The following CAST variants were observed in gnomAD, a reference collection of about 807,000 sequenced individuals.
CAST encodes the protein MIR583 host.
A neutral mutation model predicts 119.6 loss-of-function variants in CAST; 76 were observed. The ratio of observed to expected loss-of-function variants is 0.64; its 90% CI spans 0.53 to 0.77. The LOEUF (loss-of-function observed/expected upper bound fraction) is 0.77, where lower values mean the gene tolerates loss of function less well. Ranked by LOEUF, CAST falls within the 30% of genes least tolerant of loss-of-function variation. CAST has a pLI of 0.00. For missense variants in CAST, 953 were observed against 946.5 expected (o/e 1.01, Z -0.09); for synonymous variants, 319 against 331.6 (o/e 0.96, Z 0.41).
the CAST span, among the ~76,000 whole-genome samples, chr5:96,466,973 T>C: frequency 6.6e-6 from 1 of 152,184 alleles, no homozygotes; most frequent in Non-Finnish European, 1.5e-5. Context: ...TATAATACTT[T>C]TTCCCTACAT....
the CAST span, among the ~76,000 whole-genome samples, chr5:96,123,588 A>G: frequency 2.0e-5 from 3 of 152,156 alleles, no homozygotes; most frequent in East Asian, 3.9e-4. Flanking sequence ...AGGGCTATCT[A>G]CTTGAGGATT....
the CAST span, among the ~76,000 whole-genome samples, chr5:96,168,557 C>T: frequency 6.6e-6 from 1 of 152,044 alleles, no homozygotes; most frequent in Non-Finnish European, 1.5e-5. Context: ...GCGGTAGCCT[C>T]AATGATAGAT....
chr5:96,373,963 A>T, the CAST span, among the ~76,000 whole-genome samples: 4 of 152,074 alleles, frequency 2.6e-5, no homozygotes, highest in East Asian at 7.7e-4. Context: ...ACTTGAATTC[A>T]TTGTTTTTGC....
At chr5:95,969,261 C>G in the CAST span, among the ~76,000 whole-genome samples, 1 of 152,116 alleles carries the variant, frequency 6.6e-6, no homozygotes, top group Admixed American at 6.5e-5. Flanking sequence ...CAATGGGGAA[C>G]TGTTGGAGGC....
chr5:95,978,100 GATGAACACACGTGTGC>G, the CAST span, among the ~76,000 whole-genome samples: 1 of 152,020 alleles, frequency 6.6e-6, no homozygotes, highest in Admixed American at 6.6e-5. Flanking sequence ...AATAGTGCTG[GATGAACACACGTGTGC>G]ATGTGTCTCT....
the CAST span, among the ~76,000 whole-genome samples, chr5:96,356,681 C>T: frequency 8.5e-4 from 129 of 152,200 alleles, 1 homozygote; most frequent in Middle Eastern, 6.8e-3. Flanking sequence ...TGTTCTGTTC[C>T]ATTGGTTATA....
chr5:96,695,309 T>C (rs755694196), intron 2 of CAST, among the ~76,000 whole-genome samples: 1 of 152,228 alleles, frequency 6.6e-6, no homozygotes, highest in Non-Finnish European at 1.5e-5. Flanking sequence ...AATTCTATTA[T>C]TCTAATAATT....
chr5:96,629,236 G>A lies in CAST; in HGVS notation c.61-46303G>A, dbSNP rs1160915239. Among the ~76,000 whole-genome samples the A allele has an allele frequency of 2.6e-5, 4 of 152,132 alleles. 1 individual carries two copies. The highest frequency in any genetic ancestry group is 4.1e-4 in the South Asian group (2 of 4,826). On this transcript the variant is annotated intron_variant, in intron 1 of 11. Transcript: ENST00000505143. The stretch of plus-strand genomic sequence containing the variant: ...GTACCTCTCTCTATGGTGAGTGTTC[G>A]CTTCTACCTTCCACCTTTTAGCCAT...
At chr5:96,161,101 T>A in the CAST span, among the ~76,000 whole-genome samples, 1 of 152,154 alleles carries the variant, frequency 6.6e-6, no homozygotes, top group African/African-American at 2.4e-5. Flanking sequence ...AGCTCAAAAT[T>A]TTTTAAATTT....
At chr5:96,123,401 G>T in the CAST span, among the ~76,000 whole-genome samples, 1 of 152,080 alleles carries the variant, frequency 6.6e-6, no homozygotes, top group Non-Finnish European at 1.5e-5. Context: ...CATTATTAAT[G>T]TCTAATAAAA....
chr5:96,614,625 A>G (rs1336716366), intron 1 of CAST, among the ~76,000 whole-genome samples: 3 of 152,242 alleles, frequency 2.0e-5, no homozygotes, highest in African/African-American at 7.2e-5. Context: ...AACCTGAAAC[A>G]GAGTCCAAAG....
At chr5:96,512,802 T>C in the CAST span, among the ~76,000 whole-genome samples, 2 of 152,212 alleles carry the variant, frequency 1.3e-5, no homozygotes, top group Admixed American at 6.5e-5. Flanking sequence ...ATTAAATCTT[T>C]AGTATGAATA....
At chr5:96,475,030 C>T in the CAST span, among the ~76,000 whole-genome samples, 1 of 152,194 alleles carries the variant, frequency 6.6e-6, no homozygotes, top group South Asian at 2.1e-4. Context: ...GGTAGGGCCT[C>T]TCCTGTTCTC....
chr5:96,348,483 G>T, the CAST span, among the ~76,000 whole-genome samples: 4 of 152,092 alleles, frequency 2.6e-5, no homozygotes, highest in African/African-American at 9.6e-5. Context: ...CCAGATGAAG[G>T]AATTGCTTTT....
In CAST at chr5:96,772,872, A is replaced by G. The variant is rs956241766; in HGVS notation, c.*256A>G. 1 of 153,394 alleles carries G rather than the reference A, an allele frequency of 6.5e-6. No individual in the cohort carries two copies. Among genetic ancestry groups the G allele is most frequent in the African/African-American group, 2.4e-5 (1 of 41,448 alleles). The allele number at this position is 153,394 out of a possible 1,614,324, so 9.5% of individuals were successfully genotyped here. On this transcript the variant is annotated 3_prime_UTR_variant, in exon 32 of 32. Transcript: ENST00000675179. The stretch of plus-strand genomic sequence containing the variant: ...TTTTTTAATTGCCTTCAATTGGGAG[A>G]GAAAGCTTTATATTTGTAAGAAATA...
At chr5:96,436,273 A>G in the CAST span, among the ~76,000 whole-genome samples, 2 of 152,232 alleles carry the variant, frequency 1.3e-5, no homozygotes, top group Non-Finnish European at 2.9e-5. Flanking sequence ...TGTGTGGCAC[A>G]CTGGGGTAAA....
chr5:96,674,704 G>A (rs983021188), intron 1 of CAST, among the ~76,000 whole-genome samples: 1 of 152,178 alleles, frequency 6.6e-6, no homozygotes, highest in African/African-American at 2.4e-5. Flanking sequence ...TGATCACTGG[G>A]TATAAAGACA....
chr5:96,399,612 C>T, the CAST span, among the ~76,000 whole-genome samples: 1 of 152,098 alleles, frequency 6.6e-6, no homozygotes, highest in African/African-American at 2.4e-5. Context: ...TTCATCAACC[C>T]TAAGATGCAT....
At chr5:96,011,452 A>G in the CAST span, among the ~76,000 whole-genome samples, 1 of 152,218 alleles carries the variant, frequency 6.6e-6, no homozygotes, top group African/African-American at 2.4e-5. Flanking sequence ...TGAAGCTGAC[A>G]TGGGTACATA....
Sources: gnomAD v4.1 joint callset for allele counts (sites outside exome capture counted in the v4.1 genomes callset) on GRCh38, gnomAD v4.1.1 for gene constraint, MANE v1.5 for transcripts, NCBI Gene and HGNC (gene_info 2026-07-23, HGNC 2026-07-21) for gene names.